GRM7: variants seen among roughly 807,000 people sequenced by gnomAD.
The protein encoded by GRM7 is metabotropic glutamate receptor 7.
A neutral mutation model predicts 84.5 loss-of-function variants in GRM7; 35 were observed. The ratio of observed to expected loss-of-function variants is 0.41; its 90% CI spans 0.32 to 0.55. GRM7 has a LOEUF of 0.55. GRM7 is among the 20% of genes least tolerant of loss of function. The probability of loss-of-function intolerance (pLI) is 0.19; values close to 1 mark genes in which losing one functional copy is unlikely to be tolerated. For synonymous variants in GRM7, 487 were observed against 455.1 expected (o/e 1.07, Z -0.89); for missense variants, 1,003 against 1,194.6 (o/e 0.84, Z 2.36).
At chr3:6,876,627 T>G (rs1223037666) in intron 1 of GRM7, among the ~76,000 whole-genome samples, 5 of 120,174 alleles carry the variant, frequency 4.2e-5, no homozygotes, top group African/African-American at 6.5e-5. Flanking sequence ...TTTGAGAAGG[T>G]GTCTCGCTGT....
At chr3:7,566,618 G>T (rs1041556054) in intron 7 of GRM7, among the ~76,000 whole-genome samples, 1 of 151,524 alleles carries the variant, frequency 6.6e-6, no homozygotes, top group Non-Finnish European at 1.5e-5. Context: ...TTTTCTACTG[G>T]CAGAACTATT....
At chr3:7,691,849 T>C (rs1168336364) in intron 9 of GRM7, among the ~76,000 whole-genome samples, 1 of 152,004 alleles carries the variant, frequency 6.6e-6, no homozygotes, top group African/African-American at 2.4e-5. Context: ...TTAGTGGATA[T>C]GGGGTTTCAC....
chr3:6,974,556 G>A (rs561763085), intron 1 of GRM7, among the ~76,000 whole-genome samples: 11 of 152,288 alleles, frequency 7.2e-5, no homozygotes, highest in Admixed American at 3.3e-4. Context: ...GAAGGCTGCT[G>A]AAGAGGAGCC....
At chr3:6,904,400 C>G (rs751784900) in intron 1 of GRM7, among the ~76,000 whole-genome samples, 2 of 152,138 alleles carry the variant, frequency 1.3e-5, no homozygotes, top group Non-Finnish European at 2.9e-5. Context: ...TCATTCTACT[C>G]TCATGCTTCA....
chr3:7,546,129 T>G (rs2125020156), intron 7 of GRM7, among the ~76,000 whole-genome samples: 1 of 152,172 alleles, frequency 6.6e-6, no homozygotes, highest in Middle Eastern at 3.4e-3. Flanking sequence ...ATGCAAGGAG[T>G]CTAAATTCAG....
intron 1 of GRM7, among the ~76,000 whole-genome samples, chr3:6,945,844 G>T (rs535145589): frequency 0.012 from 1,796 of 152,164 alleles, 29 homozygotes; most frequent in African/African-American, 0.041. Flanking sequence ...TGTGTTTTTT[G>T]GCTGCATAAA....
intron 4 of GRM7, among the ~76,000 whole-genome samples, chr3:7,326,007 C>G (rs1508709): frequency 6.6e-6 from 1 of 151,814 alleles, no homozygotes. Context: ...AAAATAAATC[C>G]AACTTGTCTA....
intron 4 of GRM7, among the ~76,000 whole-genome samples, chr3:7,317,515 T>C (rs927123283): frequency 6.6e-6 from 1 of 152,118 alleles, no homozygotes; most frequent in Non-Finnish European, 1.5e-5. Flanking sequence ...ACAGCATGAT[T>C]CAATTTACTT....
In GRM7 at chr3:6,861,524, G is replaced by A. The variant is rs753781868; in HGVS notation, c.136G>A (p.Glu46Lys). 1.9e-6 allele frequency: 3 copies of A among 1,579,060 alleles called. No homozygotes were observed. Among genetic ancestry groups the A allele is most frequent in the Non-Finnish European group, 2.6e-6 (3 of 1,163,532 alleles). Residue 46 changes from glutamate to lysine, a missense_variant, in exon 1 of 10, where the codon GAG (glutamate) becomes AAG (lysine). Coordinates refer to ENST00000357716, the MANE Select transcript of GRM7 (RefSeq NM_000844.4). This position sits in a 1 kb window ranked among gnomAD's most constrained non-coding sequence, Gnocchi z 6.4. ...EMYAPHSIRI[E>K]GDVTLGGLFP... ...GTACGCCCCGCACTCAATCCGGATC[G>A]AGGGGGACGTCACCCTCGGGGGGCT...
intron 7 of GRM7, among the ~76,000 whole-genome samples, chr3:7,547,924 G>A (rs1693249611): frequency 6.6e-6 from 1 of 152,204 alleles, no homozygotes; most frequent in Admixed American, 6.5e-5. Flanking sequence ...AGAAGAACTT[G>A]TTTGGAACAG....
chr3:7,111,876 CAAG>C (rs1430323650), intron 1 of GRM7, among the ~76,000 whole-genome samples: 1 of 152,090 alleles, frequency 6.6e-6, no homozygotes, highest in East Asian at 1.9e-4. Context: ...ACATCTGAAT[CAAG>C]AAGAAGAACA....
At chr3:7,285,270 G>T (rs932682741) in intron 2 of GRM7, among the ~76,000 whole-genome samples, 2 of 152,038 alleles carry the variant, frequency 1.3e-5, no homozygotes, top group Non-Finnish European at 2.9e-5. Flanking sequence ...ATGTTGTTTA[G>T]AATTATTATT....
rs1326991173 is a variant in GRM7 at position 7,657,766 on chromosome 3, AAT to A, written c.2452-22281_2452-22280del. 2.0e-5 allele frequency among the ~76,000 whole-genome samples: 3 copies of A among 152,256 alleles called. No individual in the cohort carries two copies. In the East Asian group the frequency reaches 5.8e-4, roughly 30 times the overall value. Reference sequence around the variant, plus strand: ...ATCAATTATGAATTCTGGAAATGATAATAGAGGGAAAACCTTACTCTTCCTGG... The same window carrying A: ...ATCAATTATGAATTCTGGAAATGATAAGAGGGAAAACCTTACTCTTCCTGG... On this transcript the variant is annotated intron_variant, in intron 8 of 9. Coordinates refer to ENST00000357716, the MANE Select transcript of GRM7 (RefSeq NM_000844.4).
intron 1 of GRM7, among the ~76,000 whole-genome samples, chr3:6,933,226 T>C (rs948599737): frequency 6.6e-6 from 1 of 152,214 alleles, no homozygotes; most frequent in African/African-American, 2.4e-5. Flanking sequence ...AATTATATTA[T>C]AGCACTTGAG....
intron 1 of GRM7, among the ~76,000 whole-genome samples, chr3:6,878,486 G>A (rs761649715): frequency 2.6e-4 from 39 of 150,900 alleles, no homozygotes; most frequent in South Asian, 1.7e-3. Context: ...AGTTTAATGA[G>A]CAAATGCTTT....
chr3:6,861,260 C>T lies in GRM7; in HGVS notation c.-129C>T. On this transcript the variant is annotated 5_prime_UTR_variant, in exon 1 of 10. Transcript: ENST00000357716. This position sits in a 1 kb window ranked among gnomAD's most constrained non-coding sequence, Gnocchi z 6.4. ...TCTCTGGTCGCCCCTCCCCGGATTC[C>T]CCCACCCTCCGTGCCTGCAGGAGCC... is the stretch of plus-strand genomic sequence containing the variant. The T allele has an allele frequency of 1.3e-6, 1 of 762,788 alleles. No homozygotes were observed. Among genetic ancestry groups the T allele is most frequent in the Non-Finnish European group, 1.9e-6 (1 of 532,026 alleles). The allele number at this position is 762,788 out of a possible 1,614,324, so 47.3% of individuals were successfully genotyped here. A position where few individuals can be genotyped will look rare whatever the true frequency, so the allele number is the denominator to read the frequency against.
At chr3:7,167,654 A>G (rs1694842604) in intron 2 of GRM7, among the ~76,000 whole-genome samples, 1 of 152,034 alleles carries the variant, frequency 6.6e-6, no homozygotes, top group Non-Finnish European at 1.5e-5. Flanking sequence ...AATGACTCCA[A>G]AAGTCAGTTT....
chr3:7,401,042 T>C (rs1189324619), intron 4 of GRM7, among the ~76,000 whole-genome samples: 1 of 152,140 alleles, frequency 6.6e-6, no homozygotes. Context: ...TGAAAGTGTC[T>C]TGGAGCAGAA....
chr3:7,595,735 G>A (rs931424343), intron 8 of GRM7, among the ~76,000 whole-genome samples: 2 of 151,984 alleles, frequency 1.3e-5, no homozygotes, highest in Non-Finnish European at 2.9e-5. Flanking sequence ...CCAGAGATGA[G>A]CAAATGCAAG....
Sources: allele counts gnomAD v4.1 joint callset (sites outside exome capture counted in the v4.1 genomes callset), GRCh38; gene constraint gnomAD v4.1.1; non-coding constraint Gnocchi (gnomAD v3.1); transcripts MANE v1.5; gene names NCBI Gene and HGNC (gene_info 2026-07-23, HGNC 2026-07-21).